The following ERBB4 variants were observed in gnomAD, a reference collection of about 807,000 sequenced individuals.
ERBB4 encodes the protein receptor tyrosine-protein kinase erbB-4.
A neutral mutation model predicts 158.0 loss-of-function variants in ERBB4; 42 were observed. That is an observed-to-expected ratio of 0.27 (90% CI 0.21 to 0.34). ERBB4 has a LOEUF of 0.34. Ranked by LOEUF, ERBB4 falls within the 10% of genes least tolerant of loss-of-function variation. The pLI, the probability that ERBB4 is intolerant of heterozygous loss-of-function variation, is 1.00. For missense variants in ERBB4, 1,333 were observed against 1,624.1 expected (o/e 0.82, Z 3.08); for synonymous variants, 583 against 558.7 (o/e 1.04, Z -0.61).
intron 4 of ERBB4, among the ~76,000 whole-genome samples, chr2:211,773,623 T>TATATA (rs1553630424): frequency 6.0e-5 from 4 of 66,580 alleles, no homozygotes; most frequent in Non-Finnish European, 1.3e-4. Flanking sequence ...TATATATATA[T>TATATA]ATATATATAT....
At position 211,387,926 on chromosome 2, in the gene ERBB4, T is replaced by A. The variant is rs762040505; in HGVS notation, c.3183+19A>T. The A allele has an allele frequency of 8.8e-6, 14 of 1,585,206 alleles. No homozygotes were observed. Among genetic ancestry groups the A allele is most frequent in the East Asian group, 2.2e-5 (1 of 44,752 alleles). On this transcript the variant is annotated intron_variant, in intron 26 of 27. Transcript: ENST00000342788. ...GACCGAAAATCCTAAAAGATGAAGG[T>A]TGATTGTGAAATACTTACTCCTGAC...
chr2:211,815,986 C>T (rs899991619), intron 3 of ERBB4, among the ~76,000 whole-genome samples: 2 of 152,048 alleles, frequency 1.3e-5, no homozygotes, highest in Non-Finnish European at 2.9e-5. Flanking sequence ...CCTTTAGCCT[C>T]AGGCTAAGGG....
chr2:212,187,124 C>G (rs1290030635), intron 1 of ERBB4, among the ~76,000 whole-genome samples: 1 of 152,030 alleles, frequency 6.6e-6, no homozygotes, highest in African/African-American at 2.4e-5. Flanking sequence ...AAAGGGAAAA[C>G]AGAGGCATAT....
chr2:211,832,227 A>C (rs951143457), intron 3 of ERBB4, among the ~76,000 whole-genome samples: 1 of 152,142 alleles, frequency 6.6e-6, no homozygotes, highest in African/African-American at 2.4e-5. Flanking sequence ...CACAGACTTG[A>C]CATATAAGCC....
chr2:212,102,561 C>T (rs1417350469), intron 2 of ERBB4, among the ~76,000 whole-genome samples: 1 of 151,934 alleles, frequency 6.6e-6, no homozygotes, highest in African/African-American at 2.4e-5. Flanking sequence ...TCTAAAATGT[C>T]GTGTGATTTT....
rs192066345 is a variant in ERBB4 at position 211,947,459 on chromosome 2, A to G, written c.392T>C (p.Leu131Pro). 1.2e-6 allele frequency: 2 copies of G among 1,613,872 alleles called. No homozygotes were observed. Among genetic ancestry groups the G allele is most frequent in the Admixed American group, 1.7e-5 (1 of 59,996 alleles). ...CAAGTTCTTTAATCCAAGTTCTTGA[A>G]GTCCAAAGTTTCCATCTTTTCTGTA... Reference protein sequence around the residue: ...LNYRKDGNFGLQELGLKNLTE... With the variant: ...LNYRKDGNFGPQELGLKNLTE... The change falls in exon 3 of 28, where the codon CTT becomes CCT. Residue 131 changes from leucine to proline, a missense_variant. Transcript: ENST00000342788.
intron 1 of ERBB4, among the ~76,000 whole-genome samples, chr2:212,174,191 T>TA (rs1403438041): frequency 2.0e-5 from 3 of 152,120 alleles, no homozygotes; most frequent in African/African-American, 7.2e-5. Flanking sequence ...GTGACTGTTT[T>TA]AAAATCTGAC....
intron 1 of ERBB4, among the ~76,000 whole-genome samples, chr2:212,165,100 G>C (rs1306938486): frequency 2.0e-5 from 3 of 151,774 alleles, no homozygotes; most frequent in Non-Finnish European, 4.4e-5. Context: ...CGTCCCTCCT[G>C]TCTTGTTCCT....
intron 20 of ERBB4, among the ~76,000 whole-genome samples, chr2:211,492,311 G>C (rs1461626573): frequency 6.6e-6 from 1 of 152,032 alleles, no homozygotes; most frequent in Non-Finnish European, 1.5e-5. Flanking sequence ...ATATATAGAT[G>C]GCAAAGTTTA....
intron 20 of ERBB4, among the ~76,000 whole-genome samples, chr2:211,451,611 C>A (rs1178321061): frequency 6.6e-6 from 1 of 151,958 alleles, no homozygotes; most frequent in Non-Finnish European, 1.5e-5. Context: ...GGGGAGGGAA[C>A]AGCAAGGGGA....
intron 16 of ERBB4, among the ~76,000 whole-genome samples, chr2:211,639,668 C>T (rs1168215933): frequency 6.6e-6 from 1 of 152,160 alleles, no homozygotes; most frequent in Non-Finnish European, 1.5e-5. Context: ...TTCTGTCATG[C>T]TTATTGTACA....
chr2:212,216,387 T>A (rs1287002132), intron 1 of ERBB4, among the ~76,000 whole-genome samples: 1 of 151,386 alleles, frequency 6.6e-6, no homozygotes, highest in Admixed American at 6.6e-5. Context: ...GGCAACATTT[T>A]AACTATTTTT....
At chr2:211,863,391 C>T (rs2078119360) in intron 3 of ERBB4, among the ~76,000 whole-genome samples, 1 of 152,226 alleles carries the variant, frequency 6.6e-6, no homozygotes, top group Non-Finnish European at 1.5e-5. Context: ...CCACTCAGGT[C>T]CCCTTCCATG....
intron 3 of ERBB4, among the ~76,000 whole-genome samples, chr2:211,817,144 G>A (rs1366749820): frequency 1.3e-5 from 2 of 152,176 alleles, no homozygotes; most frequent in Non-Finnish European, 2.9e-5. Flanking sequence ...GTCACGGGGG[G>A]ATTTTTAAGG....
At chr2:211,484,011 A>G (rs568917736) in intron 20 of ERBB4, among the ~76,000 whole-genome samples, 130 of 152,232 alleles carry the variant, frequency 8.5e-4, no homozygotes, top group Non-Finnish European at 1.5e-3. Flanking sequence ...TTTTAGAAAT[A>G]CAAACGCTGA....
intron 1 of ERBB4, among the ~76,000 whole-genome samples, chr2:212,318,079 TA>T (rs1304308693): frequency 6.6e-6 from 1 of 151,632 alleles, no homozygotes; most frequent in Non-Finnish European, 1.5e-5. Flanking sequence ...CTTATAATCC[TA>T]TGAAGTAGGT....
chr2:211,865,752 TAAG>T (rs2078189411), intron 3 of ERBB4, among the ~76,000 whole-genome samples: 5 of 152,102 alleles, frequency 3.3e-5, no homozygotes, highest in Non-Finnish European at 5.9e-5. Context: ...GACCAAAGAG[TAAG>T]AAGTCATTCC....
intron 2 of ERBB4, among the ~76,000 whole-genome samples, chr2:212,119,756 A>G (rs2079688214): frequency 6.6e-6 from 1 of 152,202 alleles, no homozygotes; most frequent in Non-Finnish European, 1.5e-5. Context: ...GAAAGCTGGC[A>G]TGAAAGGTGT....
At chr2:211,716,397 C>G (rs2073905384) in intron 7 of ERBB4, among the ~76,000 whole-genome samples, 2 of 130,288 alleles carry the variant, frequency 1.5e-5, no homozygotes, top group African/African-American at 3.4e-5. Context: ...AAAAAAAAGG[C>G]CGGGCGCAGT....
Sources: gnomAD v4.1 joint callset for allele counts (sites outside exome capture counted in the v4.1 genomes callset) on GRCh38, gnomAD v4.1.1 for gene constraint, MANE v1.5 for transcripts, NCBI Gene and HGNC (gene_info 2026-07-23, HGNC 2026-07-21) for gene names.